The following FBXO4 variants were observed in gnomAD, a reference collection of about 807,000 sequenced individuals.
FBXO4 encodes F-box protein 4.
In FBXO4, 36 loss-of-function variants were observed where a neutral mutation model predicts 43.7. That is an observed-to-expected ratio of 0.82 (90% CI 0.63 to 1.09). The LOEUF (loss-of-function observed/expected upper bound fraction) is 1.09. Among genes scored for constraint, FBXO4 ranks in the 50% least tolerant of loss-of-function variants. The probability of loss-of-function intolerance (pLI) is 0.00; values close to 1 mark genes in which losing one functional copy is unlikely to be tolerated. For synonymous variants in FBXO4, 180 were observed against 165.6 expected (o/e 1.09, Z -0.67); for missense variants, 435 against 474.1 (o/e 0.92, Z 0.77).
chr5:41,949,896 T>C, the FBXO4 span, among the ~76,000 whole-genome samples: 3 of 152,152 alleles, frequency 2.0e-5, no homozygotes, highest in South Asian at 2.1e-4. Context: ...AACAGAGCCC[T>C]CAGAAATAAT....
At chr5:41,946,427 T>G (rs277406), downstream of FBXO4, among the ~76,000 whole-genome samples, 57,561 of 152,146 alleles carry the variant, frequency 0.38, 13,688 homozygotes, top group African/African-American at 0.67. Context: ...TAAAACTTTT[T>G]TAGCTGGTCG....
chr5:41,985,673 G>A, the FBXO4 span, among the ~76,000 whole-genome samples: 2 of 152,074 alleles, frequency 1.3e-5, no homozygotes, highest in Non-Finnish European at 2.9e-5. Context: ...TTACTAACTT[G>A]GGAGAATTAC....
At chr5:41,929,441 G>A (rs1050743546) in intron 2 of FBXO4, among the ~76,000 whole-genome samples, 1 of 152,154 alleles carries the variant, frequency 6.6e-6, no homozygotes, top group Non-Finnish European at 1.5e-5. Flanking sequence ...AGATTAGAAA[G>A]TAAGTAACCA....
the FBXO4 span, among the ~76,000 whole-genome samples, chr5:41,997,648 T>G: frequency 6.6e-6 from 1 of 152,086 alleles, no homozygotes; most frequent in African/African-American, 2.4e-5. Context: ...TTACCTGACC[T>G]CCATAAGCAC....
At chr5:41,947,310 G>A in the FBXO4 span, among the ~76,000 whole-genome samples, 29 of 152,204 alleles carry the variant, frequency 1.9e-4, no homozygotes, top group Non-Finnish European at 4.0e-4. Flanking sequence ...GCAGGATTGG[G>A]TTTAGGCTGA....
chr5:42,004,736 A>T, the FBXO4 span, among the ~76,000 whole-genome samples: 1 of 151,880 alleles, frequency 6.6e-6, no homozygotes, highest in Non-Finnish European at 1.5e-5. Context: ...CTACAAGGAT[A>T]AAAAAAACAA....
In FBXO4 at chr5:41,929,883, C is replaced by T; in HGVS notation, c.612C>T (p.Cys204=). The stretch of plus-strand genomic sequence containing the variant: ...GCTTGATGTCTTCAGAGGAACTTTG[C>T]CCAACAGCTGGTTTGCCTCAGAGGC... ...VLSLMSSEEL[C]PTAGLPQRQI... is the part of the protein sequence containing the mutation. The change falls in exon 3 of 7, where the codon TGC becomes TGT. Residue 204 remains cysteine, a synonymous_variant. Coordinates refer to ENST00000281623, the MANE Select transcript of FBXO4 (RefSeq NM_012176.3). The T allele has an allele frequency of 6.2e-7, 1 of 1,613,198 alleles. No homozygotes were observed.
At chr5:41,931,966 AC>A (rs528229023) in intron 3 of FBXO4, among the ~76,000 whole-genome samples, 1 of 152,222 alleles carries the variant, frequency 6.6e-6, no homozygotes, top group South Asian at 2.1e-4. Context: ...CATGAATCCC[AC>A]CTCTTTACCT....
chr5:42,004,449 C>A, the FBXO4 span, among the ~76,000 whole-genome samples: 1 of 151,938 alleles, frequency 6.6e-6, no homozygotes, highest in East Asian at 1.9e-4. Flanking sequence ...TTTAAGAGAT[C>A]TAGAATCCTA....
chr5:41,963,029 A>C, the FBXO4 span, among the ~76,000 whole-genome samples: 4 of 151,990 alleles, frequency 2.6e-5, no homozygotes. Flanking sequence ...ACTCTGATAA[A>C]TTTTTTTCAA....
chr5:41,983,942 G>A, the FBXO4 span, among the ~76,000 whole-genome samples: 1 of 151,430 alleles, frequency 6.6e-6, no homozygotes, highest in Non-Finnish European at 1.5e-5. Flanking sequence ...TCATTATTTG[G>A]CCACACTTTA....
Position 41,941,262 on chromosome 5 carries a change from A to G in FBXO4, c.1145A>G (p.Glu382Gly). The G allele has an allele frequency of 6.2e-7, 1 of 1,613,612 alleles. No individual in the cohort carries two copies. Among genetic ancestry groups the G allele is most frequent in the South Asian group, 1.1e-5 (1 of 91,080 alleles). The change falls in exon 7 of 7, where the codon GAA becomes GGA. Residue 382 changes from glutamate (E) to glycine (G), a missense_variant. Glu to Gly is a moderately conservative substitution (Grantham distance 98, BLOSUM62 -2). Coordinates refer to ENST00000281623, the MANE Select transcript of FBXO4 (RefSeq NM_012176.3). ...NGIEWILEEVESKRAR is the reference protein window; with the variant it reads ...NGIEWILEEVGSKRAR ...ATTGAGTGGATTCTTGAAGAAGTGG[A>G]ATCTAAGCGTGCAAGATGATTCTCT...
the FBXO4 span, among the ~76,000 whole-genome samples, chr5:42,008,637 CTT>C: frequency 1.2e-3 from 177 of 152,212 alleles, 1 homozygote; most frequent in African/African-American, 4.0e-3. Context: ...GGGGGAATCT[CTT>C]TTAATCCTCC....
chr5:41,933,964 A>G lies in FBXO4; in HGVS notation c.665A>G (p.Asn222Ser). The G allele has an allele frequency of 1.2e-6, 2 of 1,613,250 alleles. No homozygotes were observed. Among genetic ancestry groups the G allele is most frequent in the African/African-American group, 1.3e-5 (1 of 75,002 alleles). Residue 222 changes from asparagine to serine, a missense_variant, in exon 4 of 7, where the codon AAT (asparagine) becomes AGT (serine). Asn to Ser is a conservative substitution (Grantham distance 46). Transcript: ENST00000281623. ...TTCTTAGGTATTGGATCAGGAGTCA[A>G]TTTTCAGTTGAACAACCAACATAAA... The part of the protein sequence containing the change: ...RQIDGIGSGV[N>S]FQLNNQHKFN...
At chr5:41,972,952 C>A in the FBXO4 span, among the ~76,000 whole-genome samples, 1 of 151,946 alleles carries the variant, frequency 6.6e-6, no homozygotes, top group Non-Finnish European at 1.5e-5. Context: ...ATGTAAGACC[C>A]AAAACTATAA....
At position 41,927,069 on chromosome 5, in the gene FBXO4, G is replaced by A. The variant is rs1751528950; in HGVS notation, c.246G>A (p.Leu82=). Residue 82 remains leucine, a synonymous_variant, in exon 2 of 7, where the codon TTG becomes TTA. Transcript: ENST00000281623. ...TTTCACCTCATGATCTGTGTCAGTT[G>A]GGAAGTACAAATCATTATTGGAATG... The part of the protein sequence containing the change: ...SFLSPHDLCQ[L]GSTNHYWNET... 1 of 1,613,662 alleles carries A rather than the reference G, an allele frequency of 6.2e-7. No homozygotes were observed. The highest frequency in any genetic ancestry group is 8.5e-7 in the Non-Finnish European group (1 of 1,179,840).
At chr5:42,013,634 C>T in the FBXO4 span, among the ~76,000 whole-genome samples, 53 of 152,334 alleles carry the variant, frequency 3.5e-4, no homozygotes, top group East Asian at 1.9e-4. Context: ...TCCAATCATC[C>T]AATCCGGACA....
intron 2 of FBXO4, among the ~76,000 whole-genome samples, chr5:41,927,969 A>G (rs1011177804): frequency 9.2e-5 from 14 of 152,192 alleles, no homozygotes; most frequent in African/African-American, 3.1e-4. Context: ...AATTTAACGC[A>G]TTATTTTAAA....
At chr5:41,954,647 G>A in the FBXO4 span, among the ~76,000 whole-genome samples, 3 of 152,222 alleles carry the variant, frequency 2.0e-5, no homozygotes, top group South Asian at 2.1e-4. Context: ...TAAATTACTC[G>A]TGTTGCCTTT....
Sources: allele counts gnomAD v4.1 joint callset (sites outside exome capture counted in the v4.1 genomes callset), GRCh38; gene constraint gnomAD v4.1.1; transcripts MANE v1.5; gene names NCBI Gene and HGNC (gene_info 2026-07-23, HGNC 2026-07-21).